Variants in SHANK2 observed in about 807,000 individuals in gnomAD.
SHANK2 encodes SH3 and multiple ankyrin repeat domains 2.
In SHANK2, 43 loss-of-function variants were observed where a neutral mutation model predicts 133.7. The observed-to-expected ratio is 0.32, with a 90% CI of 0.25 to 0.41. The LOEUF (loss-of-function observed/expected upper bound fraction) is 0.41, where lower values mean the gene tolerates loss of function less well. Among genes scored for constraint, SHANK2 ranks in the 10% least tolerant of loss-of-function variants. The probability of loss-of-function intolerance (pLI) is 1.00; values close to 1 mark genes in which losing one functional copy is unlikely to be tolerated. For missense variants in SHANK2, 1,994 were observed against 2,235.8 expected (o/e 0.89, Z 2.18); for synonymous variants, 1,017 against 952.8 (o/e 1.07, Z -1.24).
chr11:71,081,559 G>A (rs2136004452), intron 8 of SHANK2, among the ~76,000 whole-genome samples: 1 of 152,302 alleles, frequency 6.6e-6, no homozygotes, highest in East Asian at 1.9e-4. Context: ...CCAAAGTGCA[G>A]AGGGTGGGGT....
intron 17 of SHANK2, among the ~76,000 whole-genome samples, chr11:70,612,012 G>A (rs1254908657): frequency 6.6e-6 from 1 of 152,094 alleles, no homozygotes; most frequent in Admixed American, 6.5e-5. Flanking sequence ...CATCACAGAA[G>A]GGGAGCGTCT....
chr11:71,150,325 A>C (rs1387145749), intron 2 of SHANK2, among the ~76,000 whole-genome samples: 1 of 79,574 alleles, frequency 1.3e-5, no homozygotes, highest in East Asian at 5.1e-4. Flanking sequence ...AGGGAGGGAC[A>C]GGGAGGGAGA....
chr11:70,636,136 G>A (rs1323647220), intron 17 of SHANK2, among the ~76,000 whole-genome samples: 1 of 152,280 alleles, frequency 6.6e-6, no homozygotes, highest in East Asian at 1.9e-4. Context: ...ACAAAGGCGT[G>A]GTCTCTGCCC....
In SHANK2 at chr11:71,080,014, G is replaced by C. The variant is rs1951276929; in HGVS notation, c.913-4739C>G. Among the ~76,000 whole-genome samples, 4 of 152,036 alleles carry C rather than the reference G, an allele frequency of 2.6e-5. No homozygotes were observed. The South Asian group carries it at 8.3e-4, about 32-fold the overall frequency. ...CACAAAGATACTGAAAGCTACCAAAGTGTTAAAAGAAGGAATTCATCCTCC... is the reference window on the plus strand; with the variant it reads ...CACAAAGATACTGAAAGCTACCAAACTGTTAAAAGAAGGAATTCATCCTCC... On this transcript the variant is annotated intron_variant, in intron 8 of 25. Transcript: ENST00000601538.
chr11:71,154,997 A>C (rs1240975004), intron 2 of SHANK2, among the ~76,000 whole-genome samples: 71 of 58,130 alleles, frequency 1.2e-3, no homozygotes, highest in Admixed American at 2.4e-3. Context: ...GACCTACCCC[A>C]GCCCACGCTC....
At chr11:70,662,795 C>G (rs782767996) in intron 15 of SHANK2, among the ~76,000 whole-genome samples, 78 of 152,246 alleles carry the variant, frequency 5.1e-4, no homozygotes, top group Middle Eastern at 6.8e-3. Flanking sequence ...ATCCAGCCCC[C>G]GAGGCACCCA....
intron 17 of SHANK2, among the ~76,000 whole-genome samples, chr11:70,561,582 G>T (rs12272881): frequency 0.22 from 33,283 of 151,570 alleles, 4,158 homozygotes; most frequent in East Asian, 0.42. Context: ...AGACTGGAGT[G>T]CCGTGGTGCA....
intron 3 of SHANK2, among the ~76,000 whole-genome samples, chr11:71,133,489 G>A (rs1555104146): frequency 6.6e-6 from 1 of 151,786 alleles, no homozygotes. Flanking sequence ...CAGAGGGATG[G>A]ACGGACGGAT....
At position 70,487,602 on chromosome 11, in the gene SHANK2, G is replaced by C. The variant is rs1555154583; in HGVS notation, c.2691C>G (p.Ser897=). ...IPPPPQSVPP[S]PPPPSPTTYN... ...AAGTGGTTGGGGAAGGTGGTGGTGG[G>C]GACGGGGGCACAGACTGCGGTGGAG... is the stretch of plus-strand genomic sequence containing the variant. The change falls in exon 25 of 26, where the codon TCC becomes TCG. Residue 897 remains serine (S), a synonymous_variant. Transcript: ENST00000601538. This position sits in a 1 kb window ranked among gnomAD's most constrained non-coding sequence, Gnocchi z 5.8. The C allele has an allele frequency of 1.9e-6, 3 of 1,611,682 alleles. No individual in the cohort carries two copies. In the African/African-American group the frequency reaches 4.0e-5, roughly 22 times the overall value.
At chr11:70,879,529 C>G (rs116265624) in intron 11 of SHANK2, among the ~76,000 whole-genome samples, 4 of 152,184 alleles carry the variant, frequency 2.6e-5, no homozygotes, top group Non-Finnish European at 5.9e-5. Context: ...CAAGACCACA[C>G]GGAAAATTCC....
At chr11:70,551,966 G>A (rs895614061) in intron 17 of SHANK2, among the ~76,000 whole-genome samples, 4 of 152,238 alleles carry the variant, frequency 2.6e-5, no homozygotes, top group Admixed American at 2.0e-4. Context: ...CGAGGCACGG[G>A]GGAGCCCGTG....
intron 17 of SHANK2, among the ~76,000 whole-genome samples, chr11:70,611,348 G>C (rs193077300): frequency 1.1e-4 from 17 of 152,286 alleles, no homozygotes; most frequent in Non-Finnish European, 2.1e-4. Context: ...CCAGCAGCCT[G>C]CAGGGCTGTG....
intron 17 of SHANK2, among the ~76,000 whole-genome samples, chr11:70,553,782 G>C (rs11822378): frequency 4.6e-5 from 7 of 152,224 alleles, no homozygotes; most frequent in African/African-American, 1.7e-4. Context: ...GCGTGACATA[G>C]GGTTGAAGTC....
At chr11:70,697,282 T>C (rs888388339) in intron 15 of SHANK2, among the ~76,000 whole-genome samples, 1 of 152,236 alleles carries the variant, frequency 6.6e-6, no homozygotes, top group African/African-American at 2.4e-5. Flanking sequence ...ATATTACATG[T>C]ATTTTACCAC....
chr11:70,575,655 T>C (rs1242172265), intron 17 of SHANK2, among the ~76,000 whole-genome samples: 1 of 150,704 alleles, frequency 6.6e-6, no homozygotes, highest in African/African-American at 2.4e-5. Flanking sequence ...CACATGTGTT[T>C]TGCAATGTGT....
At chr11:70,888,082 A>C (rs1168541768) in intron 11 of SHANK2, among the ~76,000 whole-genome samples, 1 of 152,212 alleles carries the variant, frequency 6.6e-6, no homozygotes, top group East Asian at 1.9e-4. Flanking sequence ...GACAAATGGC[A>C]GGTGAAGAAT....
intron 10 of SHANK2, chr11:70,942,698 AC>A: frequency 2.2e-6 from 1 of 456,854 alleles, no homozygotes; most frequent in East Asian, 6.9e-5. Context: ...CAGGATAGAA[AC>A]AGTGGATTAT....
At chr11:70,524,792 G>A (rs1215703610) in intron 17 of SHANK2, among the ~76,000 whole-genome samples, 7 of 152,314 alleles carry the variant, frequency 4.6e-5, no homozygotes, top group African/African-American at 1.2e-4. Context: ...AGGGTTCTGC[G>A]TCCTCAGTGC....
chr11:70,803,416 A>G (rs1310131777), intron 13 of SHANK2, among the ~76,000 whole-genome samples: 2 of 151,294 alleles, frequency 1.3e-5, no homozygotes, highest in African/African-American at 2.4e-5. Context: ...TCCATCATCT[A>G]TCCCATTCCA....
Sources: allele counts gnomAD v4.1 joint callset (sites outside exome capture counted in the v4.1 genomes callset), GRCh38; gene constraint gnomAD v4.1.1; non-coding constraint Gnocchi (gnomAD v3.1); transcripts MANE v1.5; gene names NCBI Gene and HGNC (gene_info 2026-07-23, HGNC 2026-07-21).